LRRTM4: variants seen among roughly 807,000 people sequenced by gnomAD.
LRRTM4 encodes the protein leucine-rich repeat transmembrane neuronal protein 4.
A neutral mutation model predicts 47.6 loss-of-function variants in LRRTM4; 25 were observed. The ratio of observed to expected loss-of-function variants is 0.53; its 90% CI spans 0.38 to 0.73. The LOEUF (loss-of-function observed/expected upper bound fraction) is 0.73. Ranked by LOEUF, LRRTM4 falls within the 30% of genes least tolerant of loss-of-function variation. The pLI is 0.00. For missense variants in LRRTM4, 638 were observed against 713.4 expected (o/e 0.89, Z 1.20); for synonymous variants, 311 against 269.5 (o/e 1.15, Z -1.51).
chr2:77,321,073 T>A (rs552193873), intron 3 of LRRTM4, among the ~76,000 whole-genome samples: 328 of 152,142 alleles, frequency 2.2e-3, no homozygotes, highest in African/African-American at 7.7e-3. Context: ...TTTATTTTTT[T>A]AAAAAAAGGA....
At chr2:76,874,474 G>A (rs1281400336) in intron 3 of LRRTM4, among the ~76,000 whole-genome samples, 1 of 151,922 alleles carries the variant, frequency 6.6e-6, no homozygotes, top group Non-Finnish European at 1.5e-5. Context: ...TTGAATAACT[G>A]GGGTGAATGA....
rs1670897545 is a variant in LRRTM4, at chr2:76,816,439, AAT to A, written c.1552-67525_1552-67524del. On this transcript the variant is annotated intron_variant, in intron 3 of 3. Coordinates refer to ENST00000409884, the MANE Select transcript of LRRTM4 (RefSeq NM_001134745.3). ...GGAACTGAAAGTAGAAGAAGAAAAT[AAT>A]AGTCATGAAAGCTATGCTTTACAAG... Among the ~76,000 whole-genome samples, 4 of 152,122 alleles carry A rather than the reference AAT, an allele frequency of 2.6e-5. No homozygotes were observed. In the South Asian group the frequency reaches 8.3e-4, roughly 31 times the overall value.
chr2:76,916,115 T>A (rs980198626), intron 3 of LRRTM4, among the ~76,000 whole-genome samples: 9 of 151,788 alleles, frequency 5.9e-5, no homozygotes, highest in Admixed American at 5.9e-4. Context: ...GGAGATAAAA[T>A]ATACATAGAA....
At chr2:77,354,264 C>T (rs1403085342) in intron 3 of LRRTM4, among the ~76,000 whole-genome samples, 1 of 152,066 alleles carries the variant, frequency 6.6e-6, no homozygotes, top group African/African-American at 2.4e-5. Context: ...GTAGAGAAGC[C>T]GTGAGTAGAG....
intron 3 of LRRTM4, among the ~76,000 whole-genome samples, chr2:76,882,111 G>C (rs984904556): frequency 6.6e-6 from 1 of 152,070 alleles, no homozygotes; most frequent in Non-Finnish European, 1.5e-5. Context: ...CTTCCGTTCA[G>C]AAGTTCATGC....
chr2:77,415,480 A>G lies in LRRTM4; in HGVS notation c.1551+102838T>C, dbSNP rs376272481. Among the ~76,000 whole-genome samples the G allele has an allele frequency of 1.9e-3, 282 of 152,312 alleles. 1 individual carries two copies. In the Middle Eastern group the frequency reaches 0.021, roughly 11 times the overall value. ...CGAAACTTATTCATATAGCCTTCTT[A>G]AATTCCATGGATCAATTAAATTATT... is the stretch of plus-strand genomic sequence containing the variant. On this transcript the variant is annotated intron_variant, in intron 3 of 3. Coordinates refer to ENST00000409884, the MANE Select transcript of LRRTM4 (RefSeq NM_001134745.3).
chr2:77,310,539 C>G (rs1402506043), intron 3 of LRRTM4, among the ~76,000 whole-genome samples: 1 of 152,088 alleles, frequency 6.6e-6, no homozygotes, highest in Non-Finnish European at 1.5e-5. Flanking sequence ...TTTCAAGGTT[C>G]TGTGGGTTTG....
chr2:77,269,140 T>C (rs986119786), intron 3 of LRRTM4, among the ~76,000 whole-genome samples: 3 of 152,214 alleles, frequency 2.0e-5, no homozygotes, highest in African/African-American at 7.2e-5. Context: ...TTCTTTGACC[T>C]TCCATCTTTT....
chr2:77,145,768 C>T (rs905889378), intron 3 of LRRTM4, among the ~76,000 whole-genome samples: 6 of 126,694 alleles, frequency 4.7e-5, no homozygotes, highest in East Asian at 2.0e-4. Flanking sequence ...AGCGAGGCTC[C>T]GTCTCAAAAA....
At chr2:77,242,325 C>T (rs56009765) in intron 3 of LRRTM4, among the ~76,000 whole-genome samples, 7,540 of 152,066 alleles carry the variant, frequency 0.05, 634 homozygotes, top group African/African-American at 0.17. Context: ...AATTGAATTA[C>T]ATAAAAATTA....
At chr2:77,055,905 T>G (rs1247320098) in intron 3 of LRRTM4, among the ~76,000 whole-genome samples, 10 of 151,062 alleles carry the variant, frequency 6.6e-5, no homozygotes, top group Admixed American at 6.6e-4. Flanking sequence ...ATGGATGAAA[T>G]TGGAAATTAT....
At chr2:77,282,673 A>G (rs1250792451) in intron 3 of LRRTM4, among the ~76,000 whole-genome samples, 1 of 151,820 alleles carries the variant, frequency 6.6e-6, no homozygotes, top group Non-Finnish European at 1.5e-5. Context: ...AGAATAGAAA[A>G]CCCGGAAAAT....
At chr2:77,376,790 A>C (rs1369782995) in intron 3 of LRRTM4, among the ~76,000 whole-genome samples, 1 of 151,836 alleles carries the variant, frequency 6.6e-6, no homozygotes, top group African/African-American at 2.4e-5. Context: ...ATATATGTGA[A>C]GTCTCTTCAC....
intron 3 of LRRTM4, among the ~76,000 whole-genome samples, chr2:77,343,617 T>C (rs1671455780): frequency 6.6e-6 from 1 of 151,932 alleles, no homozygotes. Context: ...TATTATATAA[T>C]CTAAAATCAC....
chr2:76,851,756 T>G (rs977629785), intron 3 of LRRTM4, among the ~76,000 whole-genome samples: 9 of 27,582 alleles, frequency 3.3e-4, no homozygotes, highest in Non-Finnish European at 5.5e-4. Flanking sequence ...CTTTTATTCG[T>G]TTTTTTTTTT....
chr2:76,901,488 G>A (rs1382048485), intron 3 of LRRTM4, among the ~76,000 whole-genome samples: 1 of 152,014 alleles, frequency 6.6e-6, no homozygotes, highest in Non-Finnish European at 1.5e-5. Flanking sequence ...CAGAAAAAAG[G>A]GAGAGCAGTG....
intron 3 of LRRTM4, among the ~76,000 whole-genome samples, chr2:77,470,279 T>C (rs1677138643): frequency 6.6e-6 from 1 of 152,198 alleles, no homozygotes; most frequent in African/African-American, 2.4e-5. Context: ...AAGAGCCATA[T>C]ATCCTAGTTG....
At chr2:76,865,417 T>A (rs1362745187) in intron 3 of LRRTM4, among the ~76,000 whole-genome samples, 1 of 152,190 alleles carries the variant, frequency 6.6e-6, no homozygotes, top group Non-Finnish European at 1.5e-5. Context: ...TCAATGGCTA[T>A]TTTTGAATAG....
At chr2:77,046,210 A>C (rs1679230686) in intron 3 of LRRTM4, among the ~76,000 whole-genome samples, 1 of 151,974 alleles carries the variant, frequency 6.6e-6, no homozygotes, top group Non-Finnish European at 1.5e-5. Flanking sequence ...TTTACACTGC[A>C]ATAGAACCAG....
Sources: allele counts gnomAD v4.1 joint callset (sites outside exome capture counted in the v4.1 genomes callset), GRCh38; gene constraint gnomAD v4.1.1; transcripts MANE v1.5; gene names NCBI Gene and HGNC (gene_info 2026-07-23, HGNC 2026-07-21).